Variants in ME3 observed in about 807,000 individuals in gnomAD.
ME3 encodes the protein NADP-dependent malic enzyme, mitochondrial.
Under a neutral mutation model 68.9 loss-of-function variants are expected in ME3, and 48 were observed. That is an observed-to-expected ratio of 0.70 (90% CI 0.55 to 0.89). The LOEUF (loss-of-function observed/expected upper bound fraction) is 0.89, where lower values mean the gene tolerates loss of function less well. Among genes scored for constraint, ME3 ranks in the 40% least tolerant of loss-of-function variants. The pLI, the probability that ME3 is intolerant of heterozygous loss-of-function variation, is 0.00. For synonymous variants in ME3, 320 were observed against 318.8 expected (o/e 1.00, Z -0.04); for missense variants, 675 against 797.4 (o/e 0.85, Z 1.85).
chr11:86,459,375 C>T (rs1430537307), intron 8 of ME3, among the ~76,000 whole-genome samples: 1 of 152,166 alleles, frequency 6.6e-6, no homozygotes, highest in Non-Finnish European at 1.5e-5. Flanking sequence ...CTCCTCTTTC[C>T]TTCTTCCCTC....
chr11:86,623,365 G>A (rs1943465613), intron 2 of ME3, among the ~76,000 whole-genome samples: 1 of 152,132 alleles, frequency 6.6e-6, no homozygotes, highest in Non-Finnish European at 1.5e-5. Flanking sequence ...AACTCAGACT[G>A]CATCACACCA....
At chr11:86,470,852 A>G (rs748106887) in intron 7 of ME3, among the ~76,000 whole-genome samples, 12 of 152,176 alleles carry the variant, frequency 7.9e-5, no homozygotes, top group Non-Finnish European at 1.6e-4. Context: ...CATCTTCCAC[A>G]TATTTCTAAA....
At chr11:86,535,632 C>G (rs1565917206) in intron 4 of ME3, among the ~76,000 whole-genome samples, 1 of 152,180 alleles carries the variant, frequency 6.6e-6, no homozygotes, top group South Asian at 2.1e-4. Context: ...AATTAAGTTT[C>G]AGAAACATTT....
At chr11:86,557,507 T>G (rs1037979658) in intron 3 of ME3, among the ~76,000 whole-genome samples, 7 of 152,212 alleles carry the variant, frequency 4.6e-5, no homozygotes, top group Non-Finnish European at 7.3e-5. Flanking sequence ...TAAAAAAGTC[T>G]GTGGTCTGGT....
At chr11:86,463,234 C>G (rs1950317120) in intron 8 of ME3, among the ~76,000 whole-genome samples, 1 of 152,156 alleles carries the variant, frequency 6.6e-6, no homozygotes, top group African/African-American at 2.4e-5. Context: ...AGGCTGTGCA[C>G]CAGGTGTGCC....
intron 2 of ME3, among the ~76,000 whole-genome samples, chr11:86,587,877 G>A (rs1363351654): frequency 1.3e-5 from 2 of 152,160 alleles, no homozygotes; most frequent in Non-Finnish European, 1.5e-5. Context: ...AGTGCCTTCT[G>A]GCTCAAATAT....
intron 2 of ME3, among the ~76,000 whole-genome samples, chr11:86,582,003 A>G (rs1044147331): frequency 6.6e-5 from 10 of 152,232 alleles, no homozygotes; most frequent in African/African-American, 2.2e-4. Context: ...TGCCCCTGGA[A>G]TACACCTTTT....
intron 2 of ME3, among the ~76,000 whole-genome samples, chr11:86,595,292 C>CATAT (rs775768095): frequency 0.039 from 4,893 of 124,104 alleles, 457 homozygotes; most frequent in East Asian, 0.11. Context: ...TATACATATA[C>CATAT]ATATATATAT....
chr11:86,453,456 C>A (rs1247799789), intron 8 of ME3, among the ~76,000 whole-genome samples: 1 of 152,144 alleles, frequency 6.6e-6, no homozygotes, highest in East Asian at 1.9e-4. Context: ...TGCCAACTTG[C>A]TCTATGCTGG....
chr11:86,438,249 T>C (rs1219466982), downstream of ME3, among the ~76,000 whole-genome samples: 1 of 152,178 alleles, frequency 6.6e-6, no homozygotes, highest in Non-Finnish European at 1.5e-5. Flanking sequence ...GATTTTTTTG[T>C]CTTTCATTCT....
intron 2 of ME3, among the ~76,000 whole-genome samples, chr11:86,623,037 G>A (rs1943443729): frequency 6.6e-6 from 1 of 152,168 alleles, no homozygotes; most frequent in African/African-American, 2.4e-5. Flanking sequence ...AGTTTTATGT[G>A]CCAACTTGAC....
intron 2 of ME3, among the ~76,000 whole-genome samples, chr11:86,603,158 G>A (rs1239260412): frequency 1.3e-5 from 2 of 152,122 alleles, no homozygotes; most frequent in Non-Finnish European, 2.9e-5. Context: ...AGAGTGAACA[G>A]GCAGCCTACA....
chr11:86,654,798 A>C (rs1408054905), intron 2 of ME3, among the ~76,000 whole-genome samples: 1 of 152,214 alleles, frequency 6.6e-6, no homozygotes, highest in Non-Finnish European at 1.5e-5. Context: ...GAAAAGAGGA[A>C]GTCAAATTGT....
At chr11:86,585,259 T>G (rs1958665861) in intron 2 of ME3, among the ~76,000 whole-genome samples, 1 of 152,234 alleles carries the variant, frequency 6.6e-6, no homozygotes, top group South Asian at 2.1e-4. Context: ...TCATTTTGGC[T>G]GCAGTGAGGA....
intron 7 of ME3, among the ~76,000 whole-genome samples, chr11:86,470,076 G>A (rs951227195): frequency 2.0e-5 from 3 of 152,154 alleles, no homozygotes; most frequent in Non-Finnish European, 4.4e-5. Context: ...AATGCAGAGT[G>A]AGGGATGTTG....
At position 86,446,206 on chromosome 11, in the gene ME3, G is replaced by A. The variant is rs2138598221; in HGVS notation, c.1554+108C>T. The A allele has an allele frequency of 6.9e-6, 9 of 1,304,958 alleles. No homozygotes were observed. The South Asian group carries it at 1.2e-4, about 18-fold the overall frequency. The allele number at this position is 1,304,958 out of a possible 1,614,324, so 80.8% of individuals were successfully genotyped here. On this transcript the variant is annotated intron_variant, in intron 13 of 14. Coordinates refer to ENST00000543262, the Ensembl canonical transcript of ME3. ...GTTTAAGCACTTTGGGAATCCACTG[G>A]CAATGTTGGGGCAGATGGGCAGAAG...
intron 2 of ME3, among the ~76,000 whole-genome samples, chr11:86,592,381 T>A (rs965949469): frequency 5.9e-5 from 9 of 152,230 alleles, no homozygotes; most frequent in Non-Finnish European, 8.8e-5. Flanking sequence ...TAAACTCAAA[T>A]GACTATTGAG....
intron 14 of ME3, 76 bp downstream of exon 14, chr11:86,442,745 T>C (rs970552028): frequency 3.9e-6 from 5 of 1,268,870 alleles, no homozygotes; most frequent in South Asian, 2.6e-5. Context: ...TCCATCCCCT[T>C]AACCCTCCTA....
chr11:86,531,098 A>T (rs1369600657), intron 4 of ME3, among the ~76,000 whole-genome samples: 1 of 152,238 alleles, frequency 6.6e-6, no homozygotes, highest in Non-Finnish European at 1.5e-5. Flanking sequence ...CATTCTACTC[A>T]TCTGACAAAG....
Sources: allele counts gnomAD v4.1 joint callset (sites outside exome capture counted in the v4.1 genomes callset), GRCh38; gene constraint gnomAD v4.1.1; transcripts MANE v1.5; gene names NCBI Gene and HGNC (gene_info 2026-07-23, HGNC 2026-07-21).